SULF2: variants seen among roughly 807,000 people sequenced by gnomAD.
The protein encoded by SULF2 is sulfatase 2.
In SULF2, 52 loss-of-function variants were observed where a neutral mutation model predicts 107.7. That is an observed-to-expected ratio of 0.48 (90% CI 0.39 to 0.61). The LOEUF is 0.61. Ranked by LOEUF, SULF2 falls within the 20% of genes least tolerant of loss-of-function variation. The pLI is 0.00. For synonymous variants in SULF2, 460 were observed against 464.3 expected, an observed-to-expected ratio of 0.99 and a Z score of 0.12; for missense variants, 993 against 1,177.3, an observed-to-expected ratio of 0.84 and a Z score of 2.29.
chr20:47,735,534 C>A (rs1372061480), intron 3 of SULF2, among the ~76,000 whole-genome samples: 1 of 152,176 alleles, frequency 6.6e-6, no homozygotes, highest in Non-Finnish European at 1.5e-5. Context: ...AACATCCAGG[C>A]CCCCGCCAAT....
intron 3 of SULF2, among the ~76,000 whole-genome samples, chr20:47,721,704 T>C (rs1041380569): frequency 1.3e-5 from 2 of 152,208 alleles, no homozygotes; most frequent in African/African-American, 4.8e-5. Flanking sequence ...ATCTGTTTTA[T>C]TTTTCTGCCC....
intron 1 of SULF2, among the ~76,000 whole-genome samples, chr20:47,781,663 C>T (rs978404510): frequency 6.6e-6 from 1 of 152,118 alleles, no homozygotes; most frequent in Admixed American, 6.5e-5. Flanking sequence ...GGGTCAGACG[C>T]CCTGCTAAGC....
At chr20:47,705,804 C>CTTTTTTT in intron 3 of SULF2, among the ~76,000 whole-genome samples, 1 of 137,536 alleles carries the variant, frequency 7.3e-6, no homozygotes, top group East Asian at 2.1e-4. Context: ...CTTTTCTTTT[C>CTTTTTTT]TTTTTTTTTT....
intron 2 of SULF2, among the ~76,000 whole-genome samples, chr20:47,755,595 G>A (rs750825700): frequency 6.6e-6 from 1 of 152,032 alleles, no homozygotes; most frequent in Non-Finnish European, 1.5e-5. Flanking sequence ...ACATCAGGTG[G>A]GACCGCATCT....
chr20:47,784,486 T>TG (rs1352988230), intron 1 of SULF2, among the ~76,000 whole-genome samples: 1 of 151,718 alleles, frequency 6.6e-6, no homozygotes, highest in Non-Finnish European at 1.5e-5. Context: ...GTGGGGGAGT[T>TG]GCGGACCGAG....
intron 18 of SULF2, among the ~76,000 whole-genome samples, chr20:47,660,906 G>T (rs182571247): frequency 6.6e-6 from 1 of 152,012 alleles, no homozygotes; most frequent in African/African-American, 2.4e-5. Flanking sequence ...ATGTTGTCTG[G>T]GGGCTTCACC....
intron 11 of SULF2, among the ~76,000 whole-genome samples, chr20:47,668,042 C>G (rs1193069354): frequency 6.6e-6 from 1 of 152,236 alleles, no homozygotes; most frequent in Non-Finnish European, 1.5e-5. Flanking sequence ...CACTTCTCTC[C>G]CTCGGTTTAG....
At chr20:47,763,065 T>G (rs536847146) in intron 1 of SULF2, among the ~76,000 whole-genome samples, 7 of 152,076 alleles carry the variant, frequency 4.6e-5, no homozygotes, top group Non-Finnish European at 1.0e-4. Context: ...GGTAAAATAT[T>G]CAAAGTGGCT....
chr20:47,746,570 A>G (rs1482130484), intron 2 of SULF2, among the ~76,000 whole-genome samples: 1 of 152,176 alleles, frequency 6.6e-6, no homozygotes, highest in Non-Finnish European at 1.5e-5. Flanking sequence ...AGACCTGACC[A>G]ACTGCCCCAG....
chr20:47,716,047 T>C (rs1364284608), intron 3 of SULF2, among the ~76,000 whole-genome samples: 2 of 152,204 alleles, frequency 1.3e-5, no homozygotes, highest in African/African-American at 4.8e-5. Flanking sequence ...GGATGTGCTT[T>C]ATAAAACCAA....
intron 1 of SULF2, among the ~76,000 whole-genome samples, chr20:47,766,880 G>C (rs1438158917): frequency 1.3e-5 from 2 of 152,062 alleles, no homozygotes; most frequent in East Asian, 3.9e-4. Flanking sequence ...ATGTTTGACA[G>C]GCCATATAAT....
chr20:47,684,629 A>G (rs1208317334), intron 5 of SULF2, 48 bp from the exon 6 acceptor site: 1 of 1,586,100 alleles, frequency 6.3e-7, no homozygotes, highest in Non-Finnish European at 8.6e-7. Context: ...GACAGCCTGG[A>G]CCCTGCCTGG....
rs577227478 is a variant in SULF2 at position 47,703,133 on chromosome 20, C to T, written c.416-463G>A. On this transcript the variant is annotated intron_variant, in intron 3 of 20. Transcript: ENST00000688720. ...AGAGACAGGGTTTCACCATGTTGGC[C>T]GGGCTGGTCTTGAACTCCTGACCAA... 6.6e-4 allele frequency among the ~76,000 whole-genome samples: 100 copies of T among 152,070 alleles called. 1 individual carries two copies. The highest frequency in any genetic ancestry group is 2.3e-3 in the African/African-American group (97 of 41,474).
At chr20:47,683,296 T>C (rs2087891134) in intron 6 of SULF2, 127 bp from the exon 7 acceptor site, 3 of 924,980 alleles carry the variant, frequency 3.2e-6, no homozygotes, top group South Asian at 4.2e-5. Context: ...TGCTCAACTT[T>C]CCCAGGGGCT....
rs564522726 is a variant in SULF2, at chr20:47,681,656, T to A, written c.1064+1338A>T. ...GTGTAAAATGGGGCTACTATGAGCA[T>A]CCACGTCACAGGGCAGTTGTGATGC... On this transcript the variant is annotated intron_variant, in intron 7 of 20. Transcript: ENST00000688720. Among the ~76,000 whole-genome samples the A allele has an allele frequency of 3.9e-5, 6 of 152,314 alleles. No homozygotes were observed. The East Asian group carries it at 1.2e-3, about 29-fold the overall frequency.
intron 1 of SULF2, among the ~76,000 whole-genome samples, chr20:47,769,133 T>C: frequency 6.6e-6 from 1 of 151,646 alleles, no homozygotes; most frequent in East Asian, 1.9e-4. Flanking sequence ...CTCCACCTCC[T>C]GGGTTCAAGT....
intron 3 of SULF2, among the ~76,000 whole-genome samples, chr20:47,735,722 G>T (rs2146781315): frequency 6.6e-6 from 1 of 152,282 alleles, no homozygotes; most frequent in South Asian, 2.1e-4. Context: ...CTGGCTATGG[G>T]ATGAGGCTGT....
At chr20:47,716,090 A>G (rs1003764802) in intron 3 of SULF2, among the ~76,000 whole-genome samples, 7 of 152,244 alleles carry the variant, frequency 4.6e-5, no homozygotes, top group African/African-American at 1.7e-4. Flanking sequence ...AGGCAACAGC[A>G]GTGCTTTTCA....
chr20:47,728,957 AT>A (rs1251562887), intron 3 of SULF2, among the ~76,000 whole-genome samples: 1 of 152,232 alleles, frequency 6.6e-6, no homozygotes, highest in Non-Finnish European at 1.5e-5. Flanking sequence ...GAGAGCTGGC[AT>A]TTTAGAAACG....
Sources: gnomAD v4.1 joint callset for allele counts (sites outside exome capture counted in the v4.1 genomes callset) on GRCh38, gnomAD v4.1.1 for gene constraint, MANE v1.5 for transcripts, NCBI Gene and HGNC (gene_info 2026-07-23, HGNC 2026-07-21) for gene names.